TRPV3: variants seen among roughly 807,000 people sequenced by gnomAD.
The protein encoded by TRPV3 is VRL-3.
Under a neutral mutation model 87.1 loss-of-function variants are expected in TRPV3, and 88 were observed. The ratio of observed to expected loss-of-function variants is 1.01; its 90% CI spans 0.85 to 1.21. The LOEUF (loss-of-function observed/expected upper bound fraction) is 1.21. TRPV3 is among the 50% of genes most tolerant of loss of function. The probability of loss-of-function intolerance (pLI) is 0.00; values close to 1 mark genes in which losing one functional copy is unlikely to be tolerated. For missense variants in TRPV3, 1,054 were observed against 1,030.1 expected (o/e 1.02, Z -0.32); for synonymous variants, 438 against 423.3 (o/e 1.03, Z -0.43).
chr17:3,542,952 C>T (rs559763932), intron 5 of TRPV3, among the ~76,000 whole-genome samples: 6 of 152,126 alleles, frequency 3.9e-5, no homozygotes, highest in East Asian at 1.9e-4. Flanking sequence ...TATGGCTTCC[C>T]GCTGTCCACC....
intron 13 of TRPV3, among the ~76,000 whole-genome samples, chr17:3,523,161 T>A (rs1337307546): frequency 3.3e-5 from 5 of 152,218 alleles, no homozygotes; most frequent in Non-Finnish European, 5.9e-5. Context: ...GTTTAAATTT[T>A]AAAATGTGTT....
rs368145982 is a variant in TRPV3 at position 3,518,893 on chromosome 17, G to A, written c.1811-43C>T. The A allele has an allele frequency of 4.6e-5, 72 of 1,582,162 alleles. No homozygotes were observed. Among genetic ancestry groups the A allele is most frequent in the African/African-American group, 1.3e-5 (1 of 74,252 alleles). Reference sequence around the variant, plus strand: ...GGTGCTCTCCTCAGCTCTCTGCCTGGTAATTACTCTACAAGCTTGCGTGTA... The same window carrying A: ...GGTGCTCTCCTCAGCTCTCTGCCTGATAATTACTCTACAAGCTTGCGTGTA... On this transcript the variant is annotated intron_variant, in intron 14 of 17. Coordinates refer to ENST00000576742, the MANE Select transcript of TRPV3 (RefSeq NM_145068.4). The surrounding 1 kb of genome is among the most constrained non-coding windows in gnomAD (Gnocchi z 4.3).
At chr17:3,525,697 G>A (rs2074293880) in intron 12 of TRPV3, among the ~76,000 whole-genome samples, 1 of 149,760 alleles carries the variant, frequency 6.7e-6, no homozygotes. Flanking sequence ...TCGGCTCACT[G>A]CAGCCTCCGC....
At position 3,530,289 on chromosome 17, in the gene TRPV3, C is replaced by T; in HGVS notation, c.1066-86G>A. ...GGACCAGCCAGAGGCTGGCTGGGCCCAGGGGATACACCCGCCCAGAATGGG... is the reference window on the plus strand; with the variant it reads ...GGACCAGCCAGAGGCTGGCTGGGCCTAGGGGATACACCCGCCCAGAATGGG... On this transcript the variant is annotated intron_variant, in intron 8 of 17. Coordinates refer to ENST00000576742, the MANE Select transcript of TRPV3 (RefSeq NM_145068.4). The surrounding 1 kb of genome is among the most constrained non-coding windows in gnomAD (Gnocchi z 4.0). The T allele has an allele frequency of 1.4e-6, 2 of 1,393,094 alleles. No individual in the cohort carries two copies. The highest frequency in any genetic ancestry group is 1.9e-6 in the Non-Finnish European group (2 of 1,026,662). The allele number at this position is 1,393,094 out of a possible 1,614,324, so 86.3% of individuals were successfully genotyped here. A position where few individuals can be genotyped will look rare whatever the true frequency, so the allele number is the denominator to read the frequency against.
Position 3,524,217 on chromosome 17 carries a change from T to C in TRPV3, c.1724A>G (p.Tyr575Cys). ...ACGCACCTTCTGGATCATGACGCTG[T>C]ACATGCCCATGGACTGGAAACCCCG... ...YTRGFQSMGM[Y>C]SVMIQKVILH... The change falls in exon 13 of 18, where the codon TAC becomes TGC. Residue 575 changes from tyrosine (Y) to cysteine (C), a missense_variant. Transcript: ENST00000576742. 1 of 1,614,176 alleles carries C rather than the reference T, an allele frequency of 6.2e-7. No homozygotes were observed. Among genetic ancestry groups the C allele is most frequent in the Non-Finnish European group, 8.5e-7 (1 of 1,180,030 alleles).
intron 16 of TRPV3, among the ~76,000 whole-genome samples, chr17:3,516,013 T>C (rs2150778437): frequency 6.6e-6 from 1 of 151,752 alleles, no homozygotes; most frequent in Non-Finnish European, 1.5e-5. Flanking sequence ...ATGGTGAAAC[T>C]CTGCCTCTAC....
chr17:3,543,295 A>G (rs1015836378), intron 5 of TRPV3, among the ~76,000 whole-genome samples, 179 bp downstream of exon 5: 4 of 151,972 alleles, frequency 2.6e-5, no homozygotes, highest in African/African-American at 9.7e-5. Context: ...CCCGACTCTC[A>G]CCTGCCCAAA....
chr17:3,550,058 A>T (rs936971568), intron 2 of TRPV3, among the ~76,000 whole-genome samples: 3 of 151,518 alleles, frequency 2.0e-5, no homozygotes, highest in African/African-American at 7.3e-5. Flanking sequence ...TGAATAAATG[A>T]TGGATGGATG....
chr17:3,548,271 G>C (rs2074543717), intron 2 of TRPV3, among the ~76,000 whole-genome samples: 1 of 152,222 alleles, frequency 6.6e-6, no homozygotes, highest in Non-Finnish European at 1.5e-5. Context: ...GCAGGAAAGG[G>C]ACTGTGGCCC....
At chr17:3,514,481 T>G (rs2074155615) in intron 17 of TRPV3, 112 bp downstream of exon 17, 1 of 750,038 alleles carries the variant, frequency 1.3e-6, no homozygotes, top group Admixed American at 2.2e-5. Context: ...GCATTTCCAT[T>G]CAACCCTCCC....
chr17:3,529,677 C>T (rs1051041057), intron 9 of TRPV3, among the ~76,000 whole-genome samples: 4 of 152,072 alleles, frequency 2.6e-5, no homozygotes, highest in Admixed American at 6.5e-5. Flanking sequence ...TATACACCAA[C>T]GGGGGGTGGG....
At chr17:3,537,890 TTTAAAAAAA>T (rs1340978588) in intron 6 of TRPV3, among the ~76,000 whole-genome samples, 4 of 25,112 alleles carry the variant, frequency 1.6e-4, no homozygotes, top group Non-Finnish European at 1.1e-3. Flanking sequence ...ACTCTGTCTT[TTTAAAAAAA>T]AAAAAAAAAA....
chr17:3,552,773 C>G (rs1178880207), intron 2 of TRPV3: 2 of 152,256 alleles, frequency 1.3e-5, no homozygotes, highest in Non-Finnish European at 2.9e-5. Flanking sequence ...AAACTCTATC[C>G]TCATTTTTTT....
Position 3,524,185 on chromosome 17 carries a change from GCT to G in TRPV3, c.1743+11_1743+12del. On this transcript the variant is annotated intron_variant, in intron 13 of 17. Transcript: ENST00000576742. ...CTCCGAGGGCCCTCCCGCCGGCGCA[GCT>G]CTCAACGCACCTTCTGGATCATGAC... The G allele has an allele frequency of 6.2e-7, 1 of 1,612,978 alleles. No homozygotes were observed. The highest frequency in any genetic ancestry group is 8.5e-7 in the Non-Finnish European group (1 of 1,179,354).
rs2074207957 is a variant in TRPV3 at position 3,518,890 on chromosome 17, C to G, written c.1811-40G>C. The G allele has an allele frequency of 1.3e-6, 2 of 1,583,402 alleles. No homozygotes were observed. Among genetic ancestry groups the G allele is most frequent in the African/African-American group, 2.7e-5 (2 of 74,378 alleles). On this transcript the variant is annotated intron_variant, in intron 14 of 17. Coordinates refer to ENST00000576742, the MANE Select transcript of TRPV3 (RefSeq NM_145068.4). This position sits in a 1 kb window ranked among gnomAD's most constrained non-coding sequence, Gnocchi z 4.3. The stretch of plus-strand genomic sequence containing the variant: ...CAGGGTGCTCTCCTCAGCTCTCTGC[C>G]TGGTAATTACTCTACAAGCTTGCGT...
chr17:3,532,023 T>G (rs1201521611), intron 8 of TRPV3, among the ~76,000 whole-genome samples: 1 of 152,192 alleles, frequency 6.6e-6, no homozygotes, highest in Admixed American at 6.5e-5. Context: ...AGGAACACGC[T>G]TGGACCCCAG....
In TRPV3 at chr17:3,530,628, A is replaced by G. The variant is rs775734215; in HGVS notation, c.1066-425T>C. ...GCCCACCCTAAGCCAAGACTCCTCC[A>G]GCTGTGGCTCACCACTCTGGCCAGG... On this transcript the variant is annotated intron_variant, in intron 8 of 17. Transcript: ENST00000576742. This position sits in a 1 kb window ranked among gnomAD's most constrained non-coding sequence, Gnocchi z 4.0. 6.6e-6 allele frequency among the ~76,000 whole-genome samples: 1 copy of G among 152,180 alleles called. No individual in the cohort carries two copies. The highest frequency in any genetic ancestry group is 1.5e-5 in the Non-Finnish European group (1 of 68,026).
At chr17:3,550,900 C>A (rs747332992) in intron 2 of TRPV3, among the ~76,000 whole-genome samples, 1 of 152,168 alleles carries the variant, frequency 6.6e-6, no homozygotes, top group Non-Finnish European at 1.5e-5. Context: ...CTCAGGGAGA[C>A]CGAAGGAAAG....
intron 5 of TRPV3, among the ~76,000 whole-genome samples, chr17:3,543,203 T>C (rs993139622): frequency 6.6e-6 from 1 of 152,092 alleles, no homozygotes; most frequent in Non-Finnish European, 1.5e-5. Flanking sequence ...CGTTCCCTTC[T>C]CAAGCCCTGC....
Sources: gnomAD v4.1 joint callset for allele counts (sites outside exome capture counted in the v4.1 genomes callset) on GRCh38, gnomAD v4.1.1 for gene constraint, Gnocchi (gnomAD v3.1) non-coding constraint, MANE v1.5 for transcripts, NCBI Gene and HGNC (gene_info 2026-07-23, HGNC 2026-07-21) for gene names.